PDILT: variants seen among roughly 807,000 people sequenced by gnomAD.
PDILT encodes the protein protein disulfide-isomerase-like protein of the testis.
PDILT carries 43 observed loss-of-function variants against 53.7 expected under a neutral mutation model. That is an observed-to-expected ratio of 0.80 (90% CI 0.63 to 1.03). The LOEUF is 1.03. Ranked by LOEUF, PDILT falls within the 50% of genes least tolerant of loss-of-function variation. The pLI is 0.00. For missense variants in PDILT, 727 were observed against 712.3 expected (o/e 1.02, Z -0.24); for synonymous variants, 282 against 274.2 (o/e 1.03, Z -0.28).
chr16:20,362,422 G>A lies in PDILT; in HGVS notation c.1398C>T (p.Phe466=), dbSNP rs1966118158. The change falls in exon 10 of 12, where the codon TTC becomes TTT. Residue 466 remains phenylalanine, a synonymous_variant. Coordinates refer to ENST00000302451, the MANE Select transcript of PDILT (RefSeq NM_174924.2). The part of the protein sequence containing the change: ...YLDRYPFFRL[F]PSGSQQAVLY... Reference sequence around the variant, plus strand: ...CCCTCACTTGTTGAGAGCCGCTGGGGAACAGCCTGAAGAATGGGTACCGGT... The same window carrying A: ...CCCTCACTTGTTGAGAGCCGCTGGGAAACAGCCTGAAGAATGGGTACCGGT... 1 of 1,614,168 alleles carries A rather than the reference G, an allele frequency of 6.2e-7. No individual in the cohort carries two copies. The highest frequency in any genetic ancestry group is 1.1e-5 in the South Asian group (1 of 91,066).
Position 20,404,724 on chromosome 16 carries a change from A to C in PDILT, c.-236T>G, listed in dbSNP as rs2141629479. ...GGCACACAGAGGCCACAGCAGCCTCAGCAGCAAAGTTCTGAGTTCTGGGGT... is the reference window on the plus strand; with the variant it reads ...GGCACACAGAGGCCACAGCAGCCTCCGCAGCAAAGTTCTGAGTTCTGGGGT... On this transcript the variant is annotated 5_prime_UTR_variant, in exon 1 of 12. Coordinates refer to ENST00000302451, the MANE Select transcript of PDILT (RefSeq NM_174924.2). The C allele has an allele frequency of 6.6e-6, 1 of 152,640 alleles. No homozygotes were observed. Among genetic ancestry groups the C allele is most frequent in the South Asian group, 2.1e-4 (1 of 4,834 alleles). 9.5% of individuals were successfully genotyped at this position (152,640 alleles called of 1,614,324 possible).
intron 1 of PDILT, among the ~76,000 whole-genome samples, chr16:20,399,672 T>C (rs996628076): frequency 4.6e-5 from 7 of 151,356 alleles, no homozygotes; most frequent in Non-Finnish European, 1.0e-4. Flanking sequence ...CAGAGATAAC[T>C]GGTTCAATCC....
At chr16:20,398,911 T>C (rs529762863) in intron 2 of PDILT, among the ~76,000 whole-genome samples, 188 bp downstream of exon 2, 17 of 152,234 alleles carry the variant, frequency 1.1e-4, no homozygotes, top group South Asian at 2.1e-4. Flanking sequence ...TATTGCAATT[T>C]GCTTAACCTC....
chr16:20,359,708 G>A lies in PDILT; in HGVS notation c.1507-141C>T, dbSNP rs563881981. Reference sequence around the variant, plus strand: ...AAGTGCCCAGAGAGAATCAGTCTTTGGACTGCAGGGTTTTCACAGATGCTG... The same window carrying A: ...AAGTGCCCAGAGAGAATCAGTCTTTAGACTGCAGGGTTTTCACAGATGCTG... On this transcript the variant is annotated intron_variant, in intron 11 of 11. Transcript: ENST00000302451. 95 of 850,096 alleles carry A rather than the reference G, an allele frequency of 1.1e-4. 4 individuals carry two copies. The South Asian group carries it at 1.3e-3, about 11-fold the overall frequency. The allele number at this position is 850,096 out of a possible 1,614,324, so 52.7% of individuals were successfully genotyped here. A position where few individuals can be genotyped will look rare whatever the true frequency, so the allele number is the denominator to read the frequency against.
intron 1 of PDILT, among the ~76,000 whole-genome samples, chr16:20,403,569 C>T (rs974518437): frequency 5.9e-5 from 9 of 152,148 alleles, no homozygotes; most frequent in South Asian, 4.1e-4. Context: ...AGATTGCAGG[C>T]GTGAGCCACC....
chr16:20,364,711 G>A (rs750007254), intron 9 of PDILT, among the ~76,000 whole-genome samples: 6 of 152,164 alleles, frequency 3.9e-5, no homozygotes, highest in Non-Finnish European at 4.4e-5. Context: ...GAAACAATGG[G>A]AAAAGGGCAA....
At chr16:20,374,524 T>C (rs1441379746) in intron 5 of PDILT, among the ~76,000 whole-genome samples, 2 of 152,170 alleles carry the variant, frequency 1.3e-5, no homozygotes. Context: ...GATGTGTGTA[T>C]AGCATAGATG....
At chr16:20,400,441 G>T (rs7192797) in intron 1 of PDILT, among the ~76,000 whole-genome samples, 4 of 142,878 alleles carry the variant, frequency 2.8e-5, no homozygotes, top group Non-Finnish European at 3.0e-5. Context: ...TTGCAGCTTG[G>T]TTAGCTCTTT....
chr16:20,365,816 CTCACGCCTATAA>C (rs112582723), intron 8 of PDILT, among the ~76,000 whole-genome samples: 9,077 of 152,154 alleles, frequency 0.06, 590 homozygotes, highest in African/African-American at 0.16. Flanking sequence ...GGCGCGGTGG[CTCACGCCTATAA>C]TCACAGCACT....
intron 2 of PDILT, among the ~76,000 whole-genome samples, chr16:20,397,804 C>T (rs1005618443): frequency 6.6e-6 from 1 of 152,198 alleles, no homozygotes; most frequent in Non-Finnish European, 1.5e-5. Context: ...TTCCCTGGAA[C>T]CTTAGGCTCT....
intron 1 of PDILT, among the ~76,000 whole-genome samples, chr16:20,402,330 G>A (rs1480861329): frequency 3.8e-5 from 5 of 133,032 alleles, no homozygotes; most frequent in African/African-American, 9.2e-5. Flanking sequence ...ACAGGGTCTC[G>A]CTCTGTCGCC....
intron 7 of PDILT, among the ~76,000 whole-genome samples, chr16:20,371,259 G>A (rs776609332): frequency 1.3e-5 from 2 of 152,156 alleles, no homozygotes; most frequent in Non-Finnish European, 2.9e-5. Flanking sequence ...GGCCACTGAA[G>A]GATGGTAAGC....
intron 3 of PDILT, among the ~76,000 whole-genome samples, chr16:20,378,074 T>C (rs1966411515): frequency 6.6e-6 from 1 of 152,168 alleles, no homozygotes; most frequent in Non-Finnish European, 1.5e-5. Context: ...CAGGACAAAT[T>C]GCTACCTGAG....
rs545614419 is a variant in PDILT, at chr16:20,368,664, G to A, written c.1116+828C>T. Reference sequence around the variant, plus strand: ...CAGGCTGGAGTGCAGTGGTGTGATCGTAGCTCACTGTAGCCTTGATCTCTA... The same window carrying A: ...CAGGCTGGAGTGCAGTGGTGTGATCATAGCTCACTGTAGCCTTGATCTCTA... On this transcript the variant is annotated intron_variant, in intron 8 of 11. Transcript: ENST00000302451. Among the ~76,000 whole-genome samples, 35 of 152,118 alleles carry A rather than the reference G, an allele frequency of 2.3e-4. No individual in the cohort carries two copies. In the South Asian group the frequency reaches 6.4e-3, roughly 28 times the overall value.
intron 1 of PDILT, among the ~76,000 whole-genome samples, chr16:20,401,819 C>T (rs907319599): frequency 1.3e-5 from 2 of 152,230 alleles, no homozygotes; most frequent in African/African-American, 4.8e-5. Context: ...CTCATGTCCT[C>T]GTCTCCCAGG....
chr16:20,403,827 C>T (rs1225432065), intron 1 of PDILT, among the ~76,000 whole-genome samples: 1 of 152,098 alleles, frequency 6.6e-6, no homozygotes, highest in African/African-American at 2.4e-5. Context: ...TGGCCTCTTC[C>T]CTTTCCCAAG....
Position 20,372,925 on chromosome 16 carries a change from A to C in PDILT, c.795T>G (p.Asn265Lys). The C allele has an allele frequency of 1.9e-6, 3 of 1,614,102 alleles. No individual in the cohort carries two copies. In the South Asian group the frequency reaches 3.3e-5, roughly 18 times the overall value. The change falls in exon 7 of 12, where the codon AAT becomes AAG. Residue 265 changes from asparagine to lysine, a missense_variant and splice_region_variant. Physicochemically the swap from Asn to Lys is moderately conservative, Grantham distance 94 (BLOSUM62 0). Coordinates refer to ENST00000302451, the MANE Select transcript of PDILT (RefSeq NM_174924.2). ...TGTGCAACTCGGAAATCAGATCCTTATTCTGAAATGACCAGGAAAATATGT... is the reference window on the plus strand; with the variant it reads ...TGTGCAACTCGGAAATCAGATCCTTCTTCTGAAATGACCAGGAAAATATGT... ...TDFVIEYNTE[N>K]KDLISELHIM...
chr16:20,403,758 C>T (rs1022915997), intron 1 of PDILT, among the ~76,000 whole-genome samples: 1 of 152,112 alleles, frequency 6.6e-6, no homozygotes, highest in Non-Finnish European at 1.5e-5. Context: ...TGGCTCTGGA[C>T]CCATCTGACC....
intron 2 of PDILT, 78 bp from the exon 3 acceptor site, chr16:20,384,929 G>T: frequency 1.4e-6 from 2 of 1,418,220 alleles, no homozygotes; most frequent in Non-Finnish European, 2.0e-6. Flanking sequence ...TGTTGGGCCT[G>T]CTTAGCTCCC....
Sources: gnomAD v4.1 joint callset for allele counts (sites outside exome capture counted in the v4.1 genomes callset) on GRCh38, gnomAD v4.1.1 for gene constraint, MANE v1.5 for transcripts, NCBI Gene and HGNC (gene_info 2026-07-23, HGNC 2026-07-21) for gene names.